The following SGSM1 variants were observed in gnomAD, a reference collection of about 807,000 sequenced individuals.
SGSM1 encodes the protein small G protein signaling modulator 1, also known as RUN and TBC1 domain containing 2.
A neutral mutation model predicts 133.8 loss-of-function variants in SGSM1; 73 were observed. The observed-to-expected ratio is 0.55, with a 90% CI of 0.45 to 0.66. The LOEUF is 0.66. Among genes scored for constraint, SGSM1 ranks in the 30% least tolerant of loss-of-function variants. SGSM1 has a pLI of 0.00. For missense variants in SGSM1, 1,213 were observed against 1,448.1 expected (o/e 0.84, Z 2.64); for synonymous variants, 563 against 573.0 (o/e 0.98, Z 0.25).
In SGSM1 at chr22:24,846,697, T is replaced by G. The variant is rs539550031; in HGVS notation, c.140-937T>G. Among the ~76,000 whole-genome samples the G allele has an allele frequency of 4.6e-5, 7 of 152,312 alleles. No individual in the cohort carries two copies. In the East Asian group the frequency reaches 1.2e-3, roughly 25 times the overall value. On this transcript the variant is annotated intron_variant, in intron 3 of 24. Transcript: ENST00000400358. ...TTAAACTATGTCTACAAAGCCTGAA[T>G]AGTCAGTTCACTTACATCGCCATAA...
At chr22:24,872,967 A>AT (rs533180789) in intron 12 of SGSM1, among the ~76,000 whole-genome samples, 2,297 of 145,840 alleles carry the variant, frequency 0.016, 24 homozygotes, top group African/African-American at 0.041. Context: ...CTCAATTGTA[A>AT]TTTTTTTTTT....
At position 24,844,759 on chromosome 22, in the gene SGSM1, G is replaced by C. The variant is rs966799838; in HGVS notation, c.64-138G>C. 1.9e-4 allele frequency: 118 copies of C among 623,666 alleles called. 2 individuals carry two copies. In the African/African-American group the frequency reaches 2.1e-3, roughly 11 times the overall value. 38.6% of individuals were successfully genotyped at this position (623,666 alleles called of 1,614,324 possible). ...CTCCAAAAGACAAGGCGAGGAGGGG[G>C]AAGGAAAGCAGGTGTCAAAACATCC... is the stretch of plus-strand genomic sequence containing the variant. On this transcript the variant is annotated intron_variant, in intron 2 of 24. Coordinates refer to ENST00000400358, the MANE Select transcript of SGSM1 (RefSeq NM_001098497.3).
At chr22:24,889,356 T>A (rs1229217374) in intron 16 of SGSM1, among the ~76,000 whole-genome samples, 2 of 152,116 alleles carry the variant, frequency 1.3e-5, no homozygotes, top group Non-Finnish European at 2.9e-5. Context: ...TTCCAACGGT[T>A]GGTCTTACAA....
chr22:24,821,417 C>G (rs1928462399), intron 2 of SGSM1, among the ~76,000 whole-genome samples: 1 of 152,198 alleles, frequency 6.6e-6, no homozygotes, highest in Non-Finnish European at 1.5e-5. Flanking sequence ...AGCAAAAGCA[C>G]TGAGGCAGGG....
intron 2 of SGSM1, among the ~76,000 whole-genome samples, chr22:24,830,265 T>G (rs909784904): frequency 6.6e-6 from 1 of 152,128 alleles, no homozygotes; most frequent in African/African-American, 2.4e-5. Context: ...GTAGCAAAGG[T>G]GGAAGAGGTC....
chr22:24,847,215 A>C (rs947945200), intron 3 of SGSM1, among the ~76,000 whole-genome samples: 4 of 152,122 alleles, frequency 2.6e-5, no homozygotes, highest in South Asian at 2.1e-4. Flanking sequence ...TTTCTAACTC[A>C]AAAAAACAAA....
rs1443443803 is a variant in SGSM1, at chr22:24,924,241, G to A, written c.3249G>A (p.Val1083=). The change falls in exon 25 of 25, where the codon GTG becomes GTA. Residue 1083 remains valine, a synonymous_variant. Coordinates refer to ENST00000400358, the MANE Select transcript of SGSM1 (RefSeq NM_001098497.3). ...TCCTGAAGCTGGCGCGGGACCTCGTGTACAAGGTGCAGACTCTGATTGAGA... is the reference window on the plus strand; with the variant it reads ...TCCTGAAGCTGGCGCGGGACCTCGTATACAAGGTGCAGACTCTGATTGAGA... ...KQVLKLARDL[V]YKVQTLIENK is the part of the protein sequence containing the mutation. The A allele has an allele frequency of 1.2e-5, 19 of 1,613,878 alleles. No individual in the cohort carries two copies. The highest frequency in any genetic ancestry group is 1.5e-5 in the Non-Finnish European group (18 of 1,179,904).
chr22:24,859,972 AC>A, intron 9 of SGSM1, 132 bp downstream of exon 9: 1 of 1,320,590 alleles, frequency 7.6e-7, no homozygotes, highest in Non-Finnish European at 1.0e-6. Flanking sequence ...GGTTGTTAGG[AC>A]CACTTGGCTC....
intron 2 of SGSM1, among the ~76,000 whole-genome samples, chr22:24,823,037 A>T (rs1928573309): frequency 6.6e-6 from 1 of 152,218 alleles, no homozygotes; most frequent in Non-Finnish European, 1.5e-5. Flanking sequence ...GGCTCAGTGC[A>T]GGAAAGACAG....
At position 24,924,532 on chromosome 22, in the gene SGSM1, T is replaced by C. The variant is rs1320515474; in HGVS notation, c.*258T>C. ...TCTGGCGTTCCTCCCTTGCAGGAGG[T>C]GGAGGTTGTTGGTGGAGGAGGAGCC... On this transcript the variant is annotated 3_prime_UTR_variant, in exon 25 of 25. Transcript: ENST00000400358. 2.0e-5 allele frequency: 10 copies of C among 496,086 alleles called. No homozygotes were observed. In the East Asian group the frequency reaches 2.8e-4, roughly 14 times the overall value. The allele number at this position is 496,086 out of a possible 1,614,324, so 30.7% of individuals were successfully genotyped here. A position where few individuals can be genotyped will look rare whatever the true frequency, so the allele number is the denominator to read the frequency against.
chr22:24,845,008 T>G, intron 3 of SGSM1, 36 bp downstream of exon 3: 14 of 1,600,514 alleles, frequency 8.7e-6, no homozygotes, highest in African/African-American at 1.3e-5. Context: ...CTTCTTTCTC[T>G]GTGGGCTGCC....
chr22:24,917,803 C>A, intron 23 of SGSM1, 49 bp downstream of exon 23: 3 of 1,510,216 alleles, frequency 2.0e-6, no homozygotes, highest in Non-Finnish European at 1.8e-6. Context: ...TGTAGCAGAA[C>A]TTTCAGGGGA....
rs768341651 is a variant in SGSM1 at position 24,912,721 on chromosome 22, C to T, written c.2897C>T (p.Thr966Met). Residue 966 changes from threonine to methionine, a missense_variant, in exon 22 of 25, where the codon ACG becomes ATG. Physicochemically the swap from Thr to Met is moderately conservative, Grantham distance 81 (BLOSUM62 -1). Coordinates refer to ENST00000400358, the MANE Select transcript of SGSM1 (RefSeq NM_001098497.3). ...TTCCCCCACGGAGGCGCCATGGACA[C>T]GCACTTTGCAAACATGAGATCGTTG... ...QNFPHGGAMD[T>M]HFANMRSLIQ... is the part of the protein sequence containing the mutation. 9.3e-6 allele frequency: 15 copies of T among 1,613,490 alleles called. No homozygotes were observed. The East Asian group carries it at 1.1e-4, about 12-fold the overall frequency.
intron 12 of SGSM1, 81 bp from the exon 13 acceptor site, chr22:24,876,496 G>C (rs1047306883): frequency 1.2e-5 from 19 of 1,573,688 alleles, no homozygotes; most frequent in East Asian, 6.8e-5. Context: ...CGGGTGAGCT[G>C]CTTGCTCTAG....
At chr22:24,912,033 C>T (rs1463150734) in intron 21 of SGSM1, among the ~76,000 whole-genome samples, 11 of 144,058 alleles carry the variant, frequency 7.6e-5, no homozygotes, top group Admixed American at 2.2e-4. Flanking sequence ...CCAGCCTGGG[C>T]GACAGAGCGA....
intron 2 of SGSM1, among the ~76,000 whole-genome samples, chr22:24,828,924 T>C (rs1177284697): frequency 6.6e-6 from 1 of 152,184 alleles, no homozygotes; most frequent in Non-Finnish European, 1.5e-5. Context: ...CTGGGCGCAG[T>C]GGCTCACGTC....
rs1472373327 is a variant in SGSM1, at chr22:24,885,398, TA to T, written c.1641+1201del. On this transcript the variant is annotated intron_variant, in intron 15 of 24. Coordinates refer to ENST00000400358, the MANE Select transcript of SGSM1 (RefSeq NM_001098497.3). ...ACTCATACCACATAGTTTTACAACT[TA>T]TTTTTTTTTTTCGATTAGCGACACA... 6.0e-5 allele frequency among the ~76,000 whole-genome samples: 9 copies of T among 150,662 alleles called. No homozygotes were observed. The South Asian group carries it at 6.2e-4, about 10-fold the overall frequency.
chr22:24,872,391 G>A (rs1011846843), intron 12 of SGSM1, among the ~76,000 whole-genome samples: 2 of 152,124 alleles, frequency 1.3e-5, no homozygotes, highest in African/African-American at 4.8e-5. Context: ...TAGCAGGGTA[G>A]CCATGGGCTA....
chr22:24,923,833 GCTGGTCTCAAACTCCCGAC>G (rs1934097013), intron 24 of SGSM1, among the ~76,000 whole-genome samples: 1 of 152,082 alleles, frequency 6.6e-6, no homozygotes, highest in Admixed American at 6.6e-5. Context: ...TGTTAGTCAG[GCTGGTCTCAAACTCCCGAC>G]CTCAGGTGAT....
Sources: allele counts gnomAD v4.1 joint callset (sites outside exome capture counted in the v4.1 genomes callset), GRCh38; gene constraint gnomAD v4.1.1; transcripts MANE v1.5; gene names NCBI Gene and HGNC (gene_info 2026-07-23, HGNC 2026-07-21).